The following SV2A variants were observed in gnomAD, a reference collection of about 807,000 sequenced individuals.
The protein encoded by SV2A is solute carrier family 22 member B1.
In SV2A, 25 loss-of-function variants were observed where a neutral mutation model predicts 78.0. The observed-to-expected ratio is 0.32, with a 90% CI of 0.23 to 0.45. The LOEUF (loss-of-function observed/expected upper bound fraction) is 0.45. Among genes scored for constraint, SV2A ranks in the 20% least tolerant of loss-of-function variants. The probability of loss-of-function intolerance (pLI) is 1.00; values close to 1 mark genes in which losing one functional copy is unlikely to be tolerated. For synonymous variants in SV2A, 355 were observed against 384.7 expected (o/e 0.92, Z 0.90); for missense variants, 752 against 971.5 (o/e 0.77, Z 3.00).
At chr1:149,913,178 C>G (rs1184002646) in intron 2 of SV2A, 41 bp downstream of exon 2, 1 of 1,591,454 alleles carries the variant, frequency 6.3e-7, no homozygotes, top group Non-Finnish European at 8.5e-7. Context: ...AGGAGGTTTC[C>G]AGAGTTTGAG....
chr1:149,909,723 G>C, intron 6 of SV2A, 78 bp downstream of exon 6: 1 of 1,499,210 alleles, frequency 6.7e-7, no homozygotes, highest in Non-Finnish European at 9.3e-7. Flanking sequence ...GTCTGAGGTG[G>C]GGGGTACTCA....
Position 149,906,923 on chromosome 1 carries a change from T to C in SV2A, c.1679-67A>G, listed in dbSNP as rs2092442450. 3.1e-6 allele frequency: 5 copies of C among 1,589,798 alleles called. No individual in the cohort carries two copies. In the South Asian group the frequency reaches 4.5e-5, roughly 14 times the overall value. ...GGGAGAGGGAGGCTGTTACGGCTTA[T>C]GGCTCAGGGCTCTGCATGTATGAAA... On this transcript the variant is annotated intron_variant, in intron 10 of 12. Transcript: ENST00000369146.
intron 3 of SV2A, among the ~76,000 whole-genome samples, chr1:149,911,499 CA>C (rs371555629): frequency 6.6e-6 from 1 of 152,206 alleles, no homozygotes; most frequent in African/African-American, 2.4e-5. Context: ...CACAGGAGCC[CA>C]GGGGTGGGGC....
In SV2A at chr1:149,915,890, AACACAC is replaced by A. The variant is rs60828738; in HGVS notation, c.-347-1709_-347-1704del. 6.0e-5 allele frequency among the ~76,000 whole-genome samples: 9 copies of A among 149,686 alleles called. No homozygotes were observed. In the East Asian group the frequency reaches 9.8e-4, roughly 16 times the overall value. On this transcript the variant is annotated intron_variant, in intron 1 of 12. Transcript: ENST00000369146. Reference sequence around the variant, plus strand: ...CCCACCCATCCAGGGCCTTCATTAAAACACACACACACACACACACACGCACACACA... The same window carrying A: ...CCCACCCATCCAGGGCCTTCATTAAAACACACACACACACACGCACACACA...
Position 149,913,684 on chromosome 1 carries a change from C to T in SV2A, c.157G>A (p.Asp53Asn). ...GGAGCAGGGAAGTCATCATCATCAT[C>T]CTCCTCCTCAAAGCGGGAGTACGAT... ...RRSYSRFEEE[D>N]DDDDFPAPSD... The change falls in exon 2 of 13, where the codon GAT (aspartate) becomes AAT (asparagine). Residue 53 changes from aspartate to asparagine, a missense_variant. Physicochemically the swap from Asp to Asn is conservative, Grantham distance 23. Coordinates refer to ENST00000369146, the MANE Select transcript of SV2A (RefSeq NM_014849.5). 1 of 1,614,118 alleles carries T rather than the reference C, an allele frequency of 6.2e-7. No individual in the cohort carries two copies. Among genetic ancestry groups the T allele is most frequent in the Non-Finnish European group, 8.5e-7 (1 of 1,180,008 alleles).
At chr1:149,908,399 G>A (rs1415047717) in intron 8 of SV2A, among the ~76,000 whole-genome samples, 193 bp from the exon 9 acceptor site, 3 of 152,046 alleles carry the variant, frequency 2.0e-5, no homozygotes, top group Non-Finnish European at 2.9e-5. Context: ...CAGTTGCTGC[G>A]CTCCTGGGGG....
At position 149,910,464 on chromosome 1, in the gene SV2A, A is replaced by C; in HGVS notation, c.1089+106T>G. ...CTGTGAGGAAGGCAGGCAGTCAAAC[A>C]GGATCAAATCAAACTCCAGTTGGTG... is the stretch of plus-strand genomic sequence containing the variant. On this transcript the variant is annotated intron_variant, in intron 5 of 12. Coordinates refer to ENST00000369146, the MANE Select transcript of SV2A (RefSeq NM_014849.5). The surrounding 1 kb of genome is among the most constrained non-coding windows in gnomAD (Gnocchi z 4.2). The C allele has an allele frequency of 7.1e-7, 1 of 1,415,726 alleles. No individual in the cohort carries two copies. Among genetic ancestry groups the C allele is most frequent in the Non-Finnish European group, 9.3e-7 (1 of 1,075,386 alleles). 87.7% of individuals were successfully genotyped at this position (1,415,726 alleles called of 1,614,324 possible). A position where few individuals can be genotyped will look rare whatever the true frequency, so the allele number is the denominator to read the frequency against.
intron 2 of SV2A, among the ~76,000 whole-genome samples, chr1:149,912,621 G>A (rs1404816141): frequency 6.6e-6 from 1 of 152,036 alleles, no homozygotes; most frequent in African/African-American, 2.4e-5. Context: ...ATGGCAATTT[G>A]GTGGCAGAGT....
chr1:149,915,288 G>T (rs190432172), intron 1 of SV2A, among the ~76,000 whole-genome samples: 2 of 152,232 alleles, frequency 1.3e-5, no homozygotes, highest in East Asian at 3.9e-4. Flanking sequence ...ACAACAGGGG[G>T]GTCATACTTA....
Position 149,908,313 on chromosome 1 carries a change from G to T in SV2A, c.1380-107C>A, listed in dbSNP as rs1229647025. The T allele has an allele frequency of 2.3e-6, 3 of 1,313,994 alleles. 1 individual carries two copies. In the African/African-American group the frequency reaches 4.4e-5, roughly 19 times the overall value. The allele number at this position is 1,313,994 out of a possible 1,614,324, so 81.4% of individuals were successfully genotyped here. A position where few individuals can be genotyped will look rare whatever the true frequency, so the allele number is the denominator to read the frequency against. On this transcript the variant is annotated intron_variant, in intron 8 of 12. Transcript: ENST00000369146. ...GAAATGTGTATCATCTCAGAACAAG[G>T]GAGAAATGGAGTCAACCTCTGTTAG... is the stretch of plus-strand genomic sequence containing the variant.
rs565797272 is a variant in SV2A, at chr1:149,913,629, G to C, written c.212C>G (p.Thr71Ser). The C allele has an allele frequency of 3.1e-6, 5 of 1,614,066 alleles. No homozygotes were observed. In the Admixed American group the frequency reaches 8.3e-5, roughly 27 times the overall value. Reference sequence around the variant, plus strand: ...TGCACCACCTTCCTCCTCATCCTGGGTCCCTTCTCCTCGGTAATAACCATC... The same window carrying C: ...TGCACCACCTTCCTCCTCATCCTGGCTCCCTTCTCCTCGGTAATAACCATC... Reference protein sequence around the residue: ...PSDGYYRGEGTQDEEEGGASS... With the variant: ...PSDGYYRGEGSQDEEEGGASS... Residue 71 changes from threonine (T) to serine (S), a missense_variant, in exon 2 of 13, where the codon ACC (threonine) becomes AGC (serine). Thr to Ser is a moderately conservative substitution (Grantham distance 58). Coordinates refer to ENST00000369146, the MANE Select transcript of SV2A (RefSeq NM_014849.5).
rs1274460100 is a variant in SV2A at position 149,904,081 on chromosome 1, T to C, written c.*933A>G. On this transcript the variant is annotated 3_prime_UTR_variant, in exon 13 of 13. Transcript: ENST00000369146. ...TGTGCTATTCCCGCCTGTGCTGTAG[T>C]GGGTGGAGCCTCTCACTCCAGAGGA... is the stretch of plus-strand genomic sequence containing the variant. 1 of 152,764 alleles carries C rather than the reference T, an allele frequency of 6.5e-6. No individual in the cohort carries two copies. Among genetic ancestry groups the C allele is most frequent in the Non-Finnish European group, 1.5e-5 (1 of 68,150 alleles). The allele number at this position is 152,764 out of a possible 1,614,324, so 9.5% of individuals were successfully genotyped here.
intron 6 of SV2A, 40 bp downstream of exon 6, chr1:149,909,761 G>A (rs1268884678): frequency 3.1e-6 from 5 of 1,603,140 alleles, no homozygotes; most frequent in South Asian, 1.1e-5. Flanking sequence ...GGCTGGGGCT[G>A]CAGGGCGTGG....
intron 6 of SV2A, 24 bp from the exon 7 acceptor site, chr1:149,909,595 C>A: frequency 1.3e-6 from 2 of 1,596,620 alleles, no homozygotes; most frequent in South Asian, 2.2e-5. Flanking sequence ...AAGGGGTGGG[C>A]AGTCACACAC....
chr1:149,916,634 G>A (rs1362867346), intron 1 of SV2A, among the ~76,000 whole-genome samples: 1 of 152,050 alleles, frequency 6.6e-6, no homozygotes, highest in Admixed American at 6.5e-5. Context: ...CACCCTCCCA[G>A]TCAAAGCCCC....
Position 149,908,038 on chromosome 1 carries a change from A to G in SV2A, c.1544+4T>C. The G allele has an allele frequency of 6.2e-7, 1 of 1,613,630 alleles. No individual in the cohort carries two copies. Among genetic ancestry groups the G allele is most frequent in the Non-Finnish European group, 8.5e-7 (1 of 1,179,580 alleles). On this transcript the variant is annotated splice_donor_region_variant and intron_variant, in intron 9 of 12. Coordinates refer to ENST00000369146, the MANE Select transcript of SV2A (RefSeq NM_014849.5). ...AGAAGTGAAGTTTAAAAGTCCCCACATACTTGTCATTGAAGTACTGCCCGC... is the reference window on the plus strand; with the variant it reads ...AGAAGTGAAGTTTAAAAGTCCCCACGTACTTGTCATTGAAGTACTGCCCGC...
Position 149,910,035 on chromosome 1 carries a change from T to G in SV2A, c.1090-145A>C. The G allele has an allele frequency of 2.8e-6, 2 of 727,030 alleles. No homozygotes were observed. The allele number at this position is 727,030 out of a possible 1,614,324, so 45.0% of individuals were successfully genotyped here. A position where few individuals can be genotyped will look rare whatever the true frequency, so the allele number is the denominator to read the frequency against. On this transcript the variant is annotated intron_variant, in intron 5 of 12. Transcript: ENST00000369146. This position sits in a 1 kb window ranked among gnomAD's most constrained non-coding sequence, Gnocchi z 4.2. ...AACCCCACCACCAAGCCCTGACCTATGGGCATGCACTCACCACTCTGAAAG... is the reference window on the plus strand; with the variant it reads ...AACCCCACCACCAAGCCCTGACCTAGGGGCATGCACTCACCACTCTGAAAG...
rs147888576 is a variant in SV2A, at chr1:149,913,763, C to T, written c.78G>A (p.Ala26=). ...KDIAKEVKKH[A]AKKVVKGLDR... ...CCAGGCCCTTCACCACCTTCTTGGC[C>T]GCATGCTTTTTGACTTCCTTAGCAA... Residue 26 remains alanine, a synonymous_variant, in exon 2 of 13, where the codon GCG becomes GCA. Transcript: ENST00000369146. The T allele has an allele frequency of 5.6e-6, 9 of 1,614,042 alleles. No homozygotes were observed. In the East Asian group the frequency reaches 6.7e-5, roughly 12 times the overall value.
At position 149,913,846 on chromosome 1, in the gene SV2A, G is replaced by A; in HGVS notation, c.-6C>T. 1 of 1,596,338 alleles carries A rather than the reference G, an allele frequency of 6.3e-7. No homozygotes were observed. The highest frequency in any genetic ancestry group is 1.1e-5 in the South Asian group (1 of 89,490). ...TCTCGGAAGCCCTCTTCCATGATGG[G>A]GCTTGGGGCACTTCACTGGGTCTTC... On this transcript the variant is annotated 5_prime_UTR_variant, in exon 2 of 13. Transcript: ENST00000369146.
Sources: gnomAD v4.1 joint callset for allele counts (sites outside exome capture counted in the v4.1 genomes callset) on GRCh38, gnomAD v4.1.1 for gene constraint, Gnocchi (gnomAD v3.1) non-coding constraint, MANE v1.5 for transcripts, NCBI Gene and HGNC (gene_info 2026-07-23, HGNC 2026-07-21) for gene names.